Variants in HSD17B4 observed in about 807,000 individuals in gnomAD.
The protein encoded by HSD17B4 is peroxisomal multifunctional enzyme type 2.
A neutral mutation model predicts 101.0 loss-of-function variants in HSD17B4; 70 were observed. That is an observed-to-expected ratio of 0.69 (90% CI 0.57 to 0.85). The LOEUF is 0.85. Among genes scored for constraint, HSD17B4 ranks in the 40% least tolerant of loss-of-function variants. HSD17B4 has a pLI of 0.00. For synonymous variants in HSD17B4, 347 were observed against 297.1 expected, an observed-to-expected ratio of 1.17 and a Z score of -1.73; for missense variants, 984 against 892.4, an observed-to-expected ratio of 1.10 and a Z score of -1.31.
chr5:119,499,260 GTTAA>G, intron 12 of HSD17B4, 53 bp from the exon 13 acceptor site: 1 of 1,189,466 alleles, frequency 8.4e-7, no homozygotes, highest in Non-Finnish European at 1.3e-6. Context: ...TATGTAAGAA[GTTAA>G]TAGTTTTGAA....
At chr5:119,532,498 G>A (rs555388970) in intron 22 of HSD17B4, among the ~76,000 whole-genome samples, 54 of 151,996 alleles carry the variant, frequency 3.6e-4, no homozygotes, top group Middle Eastern at 3.2e-3. Context: ...TGAAATTGAT[G>A]CTTTACCTTC....
At chr5:119,533,463 T>C (rs550811173) in intron 22 of HSD17B4, among the ~76,000 whole-genome samples, 42 of 152,112 alleles carry the variant, frequency 2.8e-4, no homozygotes, top group African/African-American at 9.6e-4. Flanking sequence ...ATTGCTAAGA[T>C]TGAATTGGCT....
At chr5:119,463,762 G>A (rs191698628) in intron 2 of HSD17B4, among the ~76,000 whole-genome samples, 7 of 145,202 alleles carry the variant, frequency 4.8e-5, no homozygotes, top group Non-Finnish European at 6.0e-5. Flanking sequence ...TCCACATCCC[G>A]GGTTCAAGCG....
intron 8 of HSD17B4, among the ~76,000 whole-genome samples, chr5:119,481,339 C>T (rs1015456508): frequency 3.9e-5 from 6 of 152,272 alleles, no homozygotes; most frequent in Middle Eastern, 3.4e-3. Context: ...GTTTGGGGTC[C>T]CTGACTTCCC....
chr5:119,492,401 G>A (rs765175845), intron 10 of HSD17B4: 1 of 425,158 alleles, frequency 2.4e-6, no homozygotes, highest in Non-Finnish European at 4.3e-6. Context: ...CCTTCAGACA[G>A]CATATATTGA....
chr5:119,501,949 T>A, intron 13 of HSD17B4, 92 bp from the exon 14 acceptor site: 1 of 769,090 alleles, frequency 1.3e-6, no homozygotes, highest in Non-Finnish European at 2.3e-6. Context: ...AGCCTGTGGA[T>A]GGTAAAATGT....
intron 10 of HSD17B4, 123 bp downstream of exon 10, chr5:119,492,247 C>A: frequency 1.3e-6 from 1 of 780,270 alleles, no homozygotes; most frequent in South Asian, 1.4e-5. Context: ...CTTGCATATT[C>A]AAACTTAAAC....
In HSD17B4 at chr5:119,502,063, T is replaced by C. The variant is rs773326927; in HGVS notation, c.1232T>C (p.Leu411Ser). 1.2e-6 allele frequency: 2 copies of C among 1,604,444 alleles called. No individual in the cohort carries two copies. Among genetic ancestry groups the C allele is most frequent in the Non-Finnish European group, 1.7e-6 (2 of 1,171,364 alleles). ...TAGGTTCTTCATGGAGAGCAGTACTTAGAGTTATATAAACCACTTCCCAGA... is the reference window on the plus strand; with the variant it reads ...TAGGTTCTTCATGGAGAGCAGTACTCAGAGTTATATAAACCACTTCCCAGA... ...FAKVLHGEQY[L>S]ELYKPLPRAG... Residue 411 changes from leucine (L) to serine (S), a missense_variant, in exon 14 of 24, where the codon TTA becomes TCA. Coordinates refer to ENST00000510025, the MANE Select transcript of HSD17B4 (RefSeq NM_000414.4).
intron 17 of HSD17B4, among the ~76,000 whole-genome samples, chr5:119,518,649 G>A (rs1341791805): frequency 6.6e-6 from 1 of 152,114 alleles, no homozygotes; most frequent in Non-Finnish European, 1.5e-5. Context: ...GATTGTGCAT[G>A]GGCAGATCTT....
intron 2 of HSD17B4, among the ~76,000 whole-genome samples, chr5:119,462,357 T>C (rs1000584345): frequency 6.8e-6 from 1 of 146,346 alleles, no homozygotes. Flanking sequence ...AGTGGTACTG[T>C]AGTAGGTCCA....
At chr5:119,521,691 A>AT (rs1436976173) in intron 17 of HSD17B4, among the ~76,000 whole-genome samples, 2 of 149,940 alleles carry the variant, frequency 1.3e-5, no homozygotes, top group African/African-American at 4.9e-5. Context: ...TATGATTTTG[A>AT]TTTTTTCTTT....
chr5:119,462,388 C>T (rs1209139571), intron 2 of HSD17B4, among the ~76,000 whole-genome samples: 3 of 144,944 alleles, frequency 2.1e-5, no homozygotes, highest in East Asian at 2.0e-4. Flanking sequence ...TAAATTTTGC[C>T]GTTTCTTATA....
intron 2 of HSD17B4, among the ~76,000 whole-genome samples, chr5:119,469,476 C>A (rs1274855514): frequency 6.6e-6 from 1 of 152,116 alleles, no homozygotes; most frequent in Non-Finnish European, 1.5e-5. Flanking sequence ...GCCTCAGCCT[C>A]CTTAGTAGTT....
At chr5:119,463,501 A>T (rs1580517061) in intron 2 of HSD17B4, among the ~76,000 whole-genome samples, 1 of 146,692 alleles carries the variant, frequency 6.8e-6, no homozygotes, top group South Asian at 2.1e-4. Context: ...CATTTTCTTC[A>T]CATTTTTGTC....
intron 2 of HSD17B4, among the ~76,000 whole-genome samples, chr5:119,467,411 T>G (rs968417570): frequency 6.6e-6 from 1 of 152,240 alleles, no homozygotes; most frequent in Non-Finnish European, 1.5e-5. Context: ...ACTATTATTG[T>G]GTTGAAGTCT....
intron 8 of HSD17B4, among the ~76,000 whole-genome samples, chr5:119,480,628 G>A (rs1749033139): frequency 6.6e-6 from 1 of 152,154 alleles, no homozygotes; most frequent in South Asian, 2.1e-4. Context: ...GAAGTTTTGG[G>A]CACCATTGTC....
At chr5:119,536,311 G>C (rs1359422973) in intron 22 of HSD17B4, 112 bp from the exon 23 acceptor site, 1 of 964,140 alleles carries the variant, frequency 1.0e-6, no homozygotes, top group African/African-American at 1.6e-5. Context: ...TGTAGAATAA[G>C]TGCCACATTA....
At chr5:119,473,273 C>CTTTTTTTTTTTTT (rs11408993) in intron 2 of HSD17B4, among the ~76,000 whole-genome samples, 4 of 36,966 alleles carry the variant, frequency 1.1e-4, no homozygotes, top group East Asian at 1.3e-3. Context: ...GTGGATGAAT[C>CTTTTTTTTTTTTT]TTTTTTTTTT....
At position 119,499,564 on chromosome 5, in the gene HSD17B4, T is replaced by A; in HGVS notation, c.1209+11T>A. On this transcript the variant is annotated intron_variant, in intron 13 of 23. Coordinates refer to ENST00000510025, the MANE Select transcript of HSD17B4 (RefSeq NM_000414.4). ...ATCAACTTTGCAAAGGTATGCCTAATAAAAAACCTTTATTTTGCTTTTCTA... is the reference window on the plus strand; with the variant it reads ...ATCAACTTTGCAAAGGTATGCCTAAAAAAAAACCTTTATTTTGCTTTTCTA... 6.7e-7 allele frequency: 1 copy of A among 1,483,572 alleles called. No homozygotes were observed. The highest frequency in any genetic ancestry group is 9.4e-7 in the Non-Finnish European group (1 of 1,061,128). The allele number at this position is 1,483,572 out of a possible 1,614,324, so 91.9% of individuals were successfully genotyped here.
Sources: gnomAD v4.1 joint callset for allele counts (sites outside exome capture counted in the v4.1 genomes callset) on GRCh38, gnomAD v4.1.1 for gene constraint, MANE v1.5 for transcripts, NCBI Gene and HGNC (gene_info 2026-07-23, HGNC 2026-07-21) for gene names.